The following XRCC5 variants were observed in gnomAD, a reference collection of about 807,000 sequenced individuals.
XRCC5 encodes X-ray repair cross complementing 5.
Under a neutral mutation model 95.7 loss-of-function variants are expected in XRCC5, and 12 were observed. That is an observed-to-expected ratio of 0.13 (90% confidence interval 0.08 to 0.20). The LOEUF is 0.20. XRCC5 is among the 10% of genes least tolerant of loss of function. The probability of loss-of-function intolerance (pLI) is 1.00; values close to 1 mark genes in which losing one functional copy is unlikely to be tolerated. For synonymous variants in XRCC5, 281 were observed against 290.3 expected (o/e 0.97, Z 0.33); for missense variants, 595 against 873.9 (o/e 0.68, Z 4.02).
intron 14 of XRCC5, among the ~76,000 whole-genome samples, chr2:216,155,744 C>T (rs553041839): frequency 1.3e-4 from 20 of 152,166 alleles, no homozygotes; most frequent in African/African-American, 4.1e-4. Flanking sequence ...ACTTAAAAAG[C>T]ACATACATAA....
At chr2:216,132,112 G>A (rs372537680) in intron 9 of XRCC5, among the ~76,000 whole-genome samples, 3 of 152,186 alleles carry the variant, frequency 2.0e-5, no homozygotes, top group South Asian at 2.1e-4. Context: ...TTTGTTCACT[G>A]TTGTGTTTAC....
chr2:216,205,401 C>A lies in XRCC5; in HGVS notation c.*199C>A. The A allele has an allele frequency of 1.7e-6, 1 of 594,814 alleles. No homozygotes were observed. Among genetic ancestry groups the A allele is most frequent in the Non-Finnish European group, 3.0e-6 (1 of 335,376 alleles). The allele number at this position is 594,814 out of a possible 1,614,324, so 36.8% of individuals were successfully genotyped here. Reference sequence around the variant, plus strand: ...TACAAGGGATAATTTAGACCCCATACAAGTTTATAAAGAGTCATTGTTATT... The same window carrying A: ...TACAAGGGATAATTTAGACCCCATAAAAGTTTATAAAGAGTCATTGTTATT... On this transcript the variant is annotated 3_prime_UTR_variant, in exon 21 of 21. Transcript: ENST00000392132.
intron 15 of XRCC5, 109 bp downstream of exon 15, chr2:216,160,270 A>C: frequency 1.5e-6 from 1 of 656,638 alleles, no homozygotes; most frequent in East Asian, 3.0e-5. Context: ...AGTTAAGATC[A>C]TGATCACTTT....
At chr2:216,111,134 T>C (rs1424610177) in intron 1 of XRCC5, among the ~76,000 whole-genome samples, 1 of 152,198 alleles carries the variant, frequency 6.6e-6, no homozygotes, top group East Asian at 1.9e-4. Context: ...TTTTTATCCC[T>C]CGTATGGAGT....
intron 2 of XRCC5, among the ~76,000 whole-genome samples, chr2:216,115,362 A>G (rs997072197): frequency 6.6e-6 from 1 of 152,134 alleles, no homozygotes; most frequent in African/African-American, 2.4e-5. Context: ...CCAGTCCCAT[A>G]CTACATTCAG....
intron 16 of XRCC5, among the ~76,000 whole-genome samples, chr2:216,169,340 A>G (rs549792459): frequency 6.6e-6 from 1 of 152,364 alleles, no homozygotes; most frequent in South Asian, 2.1e-4. Context: ...AGGTCTTTTC[A>G]GGACACAGCA....
chr2:216,132,433 GT>G, intron 10 of XRCC5, 46 bp downstream of exon 10: 1 of 1,592,418 alleles, frequency 6.3e-7, no homozygotes, highest in Non-Finnish European at 8.6e-7. Flanking sequence ...GAATTGAATT[GT>G]AAGTCTATGA....
chr2:216,194,243 A>C (rs1334463087), intron 18 of XRCC5, among the ~76,000 whole-genome samples: 1 of 152,254 alleles, frequency 6.6e-6, no homozygotes, highest in East Asian at 1.9e-4. Flanking sequence ...CATCAGTGTT[A>C]TAATGAAACA....
chr2:216,162,456 C>A (rs550174809), intron 16 of XRCC5, among the ~76,000 whole-genome samples: 4 of 150,512 alleles, frequency 2.7e-5, no homozygotes, highest in African/African-American at 9.8e-5. Context: ...GGCTGGAGTG[C>A]AATGGCATGA....
intron 5 of XRCC5, among the ~76,000 whole-genome samples, chr2:216,120,959 C>T (rs1696796011): frequency 6.6e-6 from 1 of 152,176 alleles, no homozygotes; most frequent in Admixed American, 6.5e-5. Flanking sequence ...TGGTCTTGAA[C>T]TCCGGACCTC....
chr2:216,131,581 G>C (rs1288997481), intron 9 of XRCC5, among the ~76,000 whole-genome samples: 2 of 152,206 alleles, frequency 1.3e-5, no homozygotes, highest in South Asian at 4.2e-4. Context: ...ATTTAAGGGG[G>C]TGGGGGGAGA....
intron 6 of XRCC5, among the ~76,000 whole-genome samples, chr2:216,124,218 A>T (rs1233141926): frequency 1.3e-5 from 2 of 152,136 alleles, no homozygotes; most frequent in Non-Finnish European, 2.9e-5. Flanking sequence ...ACCTGAGGAG[A>T]TTGAGCTCTA....
chr2:216,171,026 T>G (rs1689155672), intron 16 of XRCC5, among the ~76,000 whole-genome samples: 1 of 152,232 alleles, frequency 6.6e-6, no homozygotes. Flanking sequence ...TGTGCTGATG[T>G]GCAAACTGCT....
intron 2 of XRCC5, among the ~76,000 whole-genome samples, chr2:216,116,103 T>C (rs923361957): frequency 3.9e-5 from 6 of 152,228 alleles, no homozygotes; most frequent in Non-Finnish European, 7.3e-5. Context: ...TTTCGTTGTA[T>C]AAATATTCTG....
chr2:216,162,907 G>GAACT (rs1688979962), intron 16 of XRCC5, among the ~76,000 whole-genome samples: 1 of 152,120 alleles, frequency 6.6e-6, no homozygotes, highest in African/African-American at 2.4e-5. Context: ...AGAGGGCCTG[G>GAACT]AACTAACATT....
At chr2:216,133,844 T>A (rs1287545194) in intron 10 of XRCC5, among the ~76,000 whole-genome samples, 2 of 152,200 alleles carry the variant, frequency 1.3e-5, no homozygotes, top group African/African-American at 4.8e-5. Context: ...TATGAGGACT[T>A]CCAGTAAAAC....
At chr2:216,148,672 G>A (rs1209192117) in intron 14 of XRCC5, among the ~76,000 whole-genome samples, 2 of 152,096 alleles carry the variant, frequency 1.3e-5, no homozygotes, top group African/African-American at 4.8e-5. Context: ...TAGATGTTGG[G>A]GATGTCAATG....
intron 19 of XRCC5, among the ~76,000 whole-genome samples, chr2:216,198,673 C>T (rs967618696): frequency 6.6e-6 from 1 of 152,028 alleles, no homozygotes; most frequent in Non-Finnish European, 1.5e-5. Flanking sequence ...GTGCCTCAGC[C>T]TCCCGAGTAG....
At chr2:216,153,607 A>G (rs767086338) in intron 14 of XRCC5, among the ~76,000 whole-genome samples, 2 of 152,204 alleles carry the variant, frequency 1.3e-5, no homozygotes, top group African/African-American at 4.8e-5. Flanking sequence ...TTGCCATCCT[A>G]TGAAGTAGAT....
Sources: gnomAD v4.1 joint callset for allele counts (sites outside exome capture counted in the v4.1 genomes callset) on GRCh38, gnomAD v4.1.1 for gene constraint, MANE v1.5 for transcripts, NCBI Gene and HGNC (gene_info 2026-07-23, HGNC 2026-07-21) for gene names.